The following LIMK2 variants were observed in gnomAD, a reference collection of about 807,000 sequenced individuals.
The protein encoded by LIMK2 is LIM domain kinase 2.
A neutral mutation model predicts 75.7 loss-of-function variants in LIMK2; 35 were observed. That is an observed-to-expected ratio of 0.46 (90% CI 0.35 to 0.61). LIMK2 has a LOEUF of 0.61. Among genes scored for constraint, LIMK2 ranks in the 20% least tolerant of loss-of-function variants. The probability of loss-of-function intolerance (pLI) is 0.00; values close to 1 mark genes in which losing one functional copy is unlikely to be tolerated. For synonymous variants in LIMK2, 301 were observed against 319.2 expected (o/e 0.94, Z 0.61); for missense variants, 623 against 831.0 (o/e 0.75, Z 3.08).
At chr22:31,268,338 G>C in intron 11 of LIMK2, 138 bp downstream of exon 11, 1 of 757,356 alleles carries the variant, frequency 1.3e-6, no homozygotes, top group Non-Finnish European at 2.4e-6. Flanking sequence ...GAGTTTGTCT[G>C]TGTCACTGAA....
chr22:31,257,040 A>ATTTTTTTTTTTTTTTTTTTTTTTTTTT (rs529919320), intron 2 of LIMK2, among the ~76,000 whole-genome samples: 2 of 75,078 alleles, frequency 2.7e-5, no homozygotes, highest in Non-Finnish European at 5.9e-5. Context: ...GGAGCTATAG[A>ATTTTTTTTTTTTTTTTTTTTTTTTTTT]TTTTTTTTTT....
chr22:31,274,666 GC>G (rs1305335897), intron 14 of LIMK2, among the ~76,000 whole-genome samples: 2 of 152,188 alleles, frequency 1.3e-5, no homozygotes, highest in Admixed American at 6.5e-5. Context: ...CTCCCAAAGT[GC>G]TGAGATTACA....
In LIMK2 at chr22:31,262,741, C is replaced by T. The variant is rs1258118770; in HGVS notation, c.804C>T (p.Thr268=). ...CCGGACACCCCCACGCCCTCAGCAC[C>T]CTGGACACCAAGGAGAATCTGGAGG... ...QNAGHPHALS[T]LDTKENLEGT... Residue 268 remains threonine (T), a synonymous_variant, in exon 7 of 16, where the codon ACC becomes ACT. Coordinates refer to ENST00000331728, the MANE Select transcript of LIMK2 (RefSeq NM_005569.4). This position sits in a 1 kb window ranked among gnomAD's most constrained non-coding sequence, Gnocchi z 5.0. The T allele has an allele frequency of 2.5e-6, 4 of 1,613,968 alleles. No individual in the cohort carries two copies. The South Asian group carries it at 3.3e-5, about 13-fold the overall frequency.
In LIMK2 at chr22:31,250,080, G is replaced by C. The variant is rs538914676; in HGVS notation, c.117-8211G>C. Among the ~76,000 whole-genome samples the C allele has an allele frequency of 1.8e-4, 27 of 152,208 alleles. No individual in the cohort carries two copies. The South Asian group carries it at 5.0e-3, about 28-fold the overall frequency. ...CTCCTAGTGGAGAGGAAATTCTCAG[G>C]TTTGTTTTCCTCTCCTAGCAGAGAG... is the stretch of plus-strand genomic sequence containing the variant. On this transcript the variant is annotated intron_variant, in intron 2 of 15. Coordinates refer to ENST00000331728, the MANE Select transcript of LIMK2 (RefSeq NM_005569.4).
chr22:31,247,101 T>C (rs192528445), intron 2 of LIMK2, among the ~76,000 whole-genome samples: 2 of 152,348 alleles, frequency 1.3e-5, no homozygotes, highest in East Asian at 3.9e-4. Context: ...CTGCCATGGT[T>C]CACAGTAAGA....
At chr22:31,251,056 C>T (rs2048720805) in intron 2 of LIMK2, among the ~76,000 whole-genome samples, 1 of 152,186 alleles carries the variant, frequency 6.6e-6, no homozygotes, top group African/African-American at 2.4e-5. Flanking sequence ...GCCTGACAGG[C>T]CATACATACT....
chr22:31,275,381 G>A (rs1429799028), intron 15 of LIMK2, 73 bp downstream of exon 15: 1 of 1,503,062 alleles, frequency 6.7e-7, no homozygotes, highest in Non-Finnish European at 9.1e-7. Flanking sequence ...CCACCCCTGA[G>A]CCCTCTGCAA....
chr22:31,236,329 C>CT (rs1419658303), intron 2 of LIMK2, among the ~76,000 whole-genome samples: 3 of 148,866 alleles, frequency 2.0e-5, no homozygotes, highest in African/African-American at 7.5e-5. Flanking sequence ...GAGATACAGG[C>CT]TGGGTGCAGG....
intron 1 of LIMK2, among the ~76,000 whole-genome samples, chr22:31,220,945 C>A (rs1341226136): frequency 6.6e-6 from 1 of 150,592 alleles, no homozygotes; most frequent in African/African-American, 2.4e-5. Flanking sequence ...GCCTGGGCAA[C>A]AAAAGCAAAA....
Position 31,278,510 on chromosome 22 carries a change from G to A in LIMK2, c.*69G>A. On this transcript the variant is annotated 3_prime_UTR_variant, in exon 16 of 16. Coordinates refer to ENST00000331728, the MANE Select transcript of LIMK2 (RefSeq NM_005569.4). ...TGCCCCTCTGTGCCCCATTCCTGCTGTGAGCAGGGCCGTCCGGGCTTCCTG... is the reference window on the plus strand; with the variant it reads ...TGCCCCTCTGTGCCCCATTCCTGCTATGAGCAGGGCCGTCCGGGCTTCCTG... 6.7e-7 allele frequency: 1 copy of A among 1,488,414 alleles called. No individual in the cohort carries two copies. The highest frequency in any genetic ancestry group is 9.0e-7 in the Non-Finnish European group (1 of 1,113,492). 92.2% of individuals were successfully genotyped at this position (1,488,414 alleles called of 1,614,324 possible). A position where few individuals can be genotyped will look rare whatever the true frequency, so the allele number is the denominator to read the frequency against.
Position 31,258,582 on chromosome 22 carries a change from A to T in LIMK2, c.252+156A>T. The T allele has an allele frequency of 9.7e-6, 7 of 719,394 alleles. No individual in the cohort carries two copies. In the South Asian group the frequency reaches 1.4e-4, roughly 15 times the overall value. The allele number at this position is 719,394 out of a possible 1,614,324, so 44.6% of individuals were successfully genotyped here. A position where few individuals can be genotyped will look rare whatever the true frequency, so the allele number is the denominator to read the frequency against. On this transcript the variant is annotated intron_variant, in intron 3 of 15. Transcript: ENST00000331728. ...TTCAACTAGCAGGTATCAATTGAGC[A>T]CCTACTAAGTGAAAGGTAAGATCCT... is the stretch of plus-strand genomic sequence containing the variant.
Position 31,262,927 on chromosome 22 carries a change from G to C in LIMK2, c.854+136G>C, listed in dbSNP as rs2048855830. The C allele has an allele frequency of 2.5e-6, 2 of 802,308 alleles. No individual in the cohort carries two copies. The highest frequency in any genetic ancestry group is 3.8e-6 in the Non-Finnish European group (2 of 531,074). The allele number at this position is 802,308 out of a possible 1,614,324, so 49.7% of individuals were successfully genotyped here. The stretch of plus-strand genomic sequence containing the variant: ...AGACTATGAGGATTGTGCTGACCCA[G>C]CTGCCCCTGTGGGGATCACAGTTTA... On this transcript the variant is annotated intron_variant, in intron 7 of 15. Coordinates refer to ENST00000331728, the MANE Select transcript of LIMK2 (RefSeq NM_005569.4). This position sits in a 1 kb window ranked among gnomAD's most constrained non-coding sequence, Gnocchi z 5.0.
At chr22:31,252,137 G>A (rs1397989121) in intron 2 of LIMK2, among the ~76,000 whole-genome samples, 1 of 152,162 alleles carries the variant, frequency 6.6e-6, no homozygotes, top group African/African-American at 2.4e-5. Context: ...AGTGAGGGCT[G>A]GGCCTCTATC....
chr22:31,249,391 C>G (rs2048702806), intron 2 of LIMK2, among the ~76,000 whole-genome samples: 1 of 152,276 alleles, frequency 6.6e-6, no homozygotes, highest in African/African-American at 2.4e-5. Flanking sequence ...TGTTCCTGAG[C>G]TGCTGGGCCA....
chr22:31,227,597 C>T (rs1386727540), intron 2 of LIMK2, among the ~76,000 whole-genome samples: 1 of 152,150 alleles, frequency 6.6e-6, no homozygotes, highest in Non-Finnish European at 1.5e-5. Flanking sequence ...ATGACAGGAG[C>T]AGAGAATGTC....
intron 2 of LIMK2, among the ~76,000 whole-genome samples, chr22:31,254,387 G>T (rs2048756365): frequency 6.6e-6 from 1 of 152,194 alleles, no homozygotes; most frequent in African/African-American, 2.4e-5. Flanking sequence ...TGGAACCCTT[G>T]TGCTCCCCTA....
chr22:31,266,426 C>T (rs910495463), intron 8 of LIMK2, among the ~76,000 whole-genome samples: 23 of 152,096 alleles, frequency 1.5e-4, no homozygotes, highest in Admixed American at 5.9e-4. Flanking sequence ...ACCTCAGTAC[C>T]GGGCATGCTA....
At chr22:31,218,442 A>C (rs187187293) in intron 1 of LIMK2, among the ~76,000 whole-genome samples, 3 of 152,386 alleles carry the variant, frequency 2.0e-5, no homozygotes, top group Non-Finnish European at 4.4e-5. Flanking sequence ...TCAGTCTCTC[A>C]GAGCTGGAAG....
At chr22:31,255,856 A>G (rs1300861584) in intron 2 of LIMK2, among the ~76,000 whole-genome samples, 1 of 152,064 alleles carries the variant, frequency 6.6e-6, no homozygotes, top group East Asian at 1.9e-4. Context: ...TTTCAATGAG[A>G]GAAAGCTACT....
Sources: allele counts gnomAD v4.1 joint callset (sites outside exome capture counted in the v4.1 genomes callset), GRCh38; gene constraint gnomAD v4.1.1; non-coding constraint Gnocchi (gnomAD v3.1); transcripts MANE v1.5; gene names NCBI Gene and HGNC (gene_info 2026-07-23, HGNC 2026-07-21).